Variants in IL26 observed in about 807,000 individuals in gnomAD.
IL26 encodes the protein interleukin 26.
In IL26, 23 loss-of-function variants were observed where a neutral mutation model predicts 21.7. The observed-to-expected ratio is 1.06, with a 90% CI of 0.76 to 1.50. The LOEUF (loss-of-function observed/expected upper bound fraction) is 1.50. Among genes scored for constraint, IL26 ranks in the 40% most tolerant of loss-of-function variants. The pLI is 0.00. For synonymous variants in IL26, 63 were observed against 67.8 expected, an observed-to-expected ratio of 0.93 and a Z score of 0.34; for missense variants, 204 against 196.0, an observed-to-expected ratio of 1.04 and a Z score of -0.24.
chr12:68,221,109 A>T (rs1869033272), intron 3 of IL26, among the ~76,000 whole-genome samples: 1 of 152,192 alleles, frequency 6.6e-6, no homozygotes, highest in Non-Finnish European at 1.5e-5. Flanking sequence ...AGAAACGAAC[A>T]CAACAGTCCT....
intron 3 of IL26, among the ~76,000 whole-genome samples, chr12:68,224,045 C>T (rs893604669): frequency 2.0e-5 from 3 of 151,098 alleles, no homozygotes; most frequent in African/African-American, 2.5e-5. Flanking sequence ...AAACACCCCC[C>T]CCCTCTAATG....
intron 3 of IL26, 72 bp downstream of exon 3, chr12:68,225,077 A>G: frequency 1.4e-6 from 2 of 1,476,656 alleles, no homozygotes; most frequent in Non-Finnish European, 9.1e-7. Flanking sequence ...TTGGTGTGAG[A>G]CAGATTCTTA....
Position 68,225,725 on chromosome 12 carries a change from A to T in IL26, c.32T>A (p.Leu11Ter), listed in dbSNP as rs948511179. 6.2e-6 allele frequency: 10 copies of T among 1,613,946 alleles called. No homozygotes were observed. The highest frequency in any genetic ancestry group is 8.5e-6 in the Non-Finnish European group (10 of 1,179,944). MLVNFILRCG[L>*]LLVTLSLAIA... ...GGCAAGAGACAGAGTGACTAACAGC[A>T]ACCCACACCTCAAAATGAAATTCAC... is the stretch of plus-strand genomic sequence containing the variant. The change falls in exon 1 of 5, where the codon TTG becomes TAG. Residue 11 changes from leucine to a stop codon, truncating the protein, a stop_gained. Transcript: ENST00000229134. LOFTEE classifies it high-confidence loss of function.
Position 68,201,574 on chromosome 12 carries a change from CT to C in IL26, c.*270del, listed in dbSNP as rs749531315. On this transcript the variant is annotated 3_prime_UTR_variant, in exon 5 of 5. Coordinates refer to ENST00000229134, the MANE Select transcript of IL26 (RefSeq NM_018402.2). ...TACACGAGTTAATTCAGGTTACATACTTTAAATTAAGTTGACACAATGTACT... is the reference window on the plus strand; with the variant it reads ...TACACGAGTTAATTCAGGTTACATACTTAAATTAAGTTGACACAATGTACT... 2.6e-4 allele frequency: 77 copies of C among 298,072 alleles called. No homozygotes were observed. Among genetic ancestry groups the C allele is most frequent in the Non-Finnish European group, 3.9e-4 (62 of 160,874 alleles). 18.5% of individuals were successfully genotyped at this position (298,072 alleles called of 1,614,324 possible).
intron 3 of IL26, among the ~76,000 whole-genome samples, chr12:68,218,056 C>T (rs1406103820): frequency 2.6e-5 from 4 of 152,072 alleles, no homozygotes; most frequent in Non-Finnish European, 5.9e-5. Flanking sequence ...GCTTAAACAA[C>T]AAGATCTGAA....
At chr12:68,204,141 ATT>A (rs6144754) in intron 3 of IL26, among the ~76,000 whole-genome samples, 141 of 113,162 alleles carry the variant, frequency 1.2e-3, no homozygotes, top group African/African-American at 4.1e-3. Context: ...GGATTCAAAG[ATT>A]TTTTTTTTTT....
At chr12:68,219,705 A>G (rs1352761178) in intron 3 of IL26, among the ~76,000 whole-genome samples, 1 of 151,914 alleles carries the variant, frequency 6.6e-6, no homozygotes, top group Middle Eastern at 3.2e-3. Flanking sequence ...GAAGAAAATG[A>G]ATAATAATGT....
At chr12:68,209,560 G>A (rs183577788) in intron 3 of IL26, among the ~76,000 whole-genome samples, 57 of 152,252 alleles carry the variant, frequency 3.7e-4, no homozygotes, top group South Asian at 2.5e-3. Context: ...TAGCCCCTAC[G>A]GGTTTTATGC....
rs146200477 is a variant in IL26, at chr12:68,212,622, T to G, written c.364-10539A>C. 2.6e-3 allele frequency among the ~76,000 whole-genome samples: 398 copies of G among 152,226 alleles called. 2 individuals are homozygous for G. Among genetic ancestry groups the G allele is most frequent in the African/African-American group, 8.8e-3 (367 of 41,576 alleles). On this transcript the variant is annotated intron_variant, in intron 3 of 4. Transcript: ENST00000229134. ...AGTTTTTCTTATAGAGATCCTTCAC[T>G]TCCTTGGTTAAATTTATTCCTAGTT...
At chr12:68,202,200 C>G (rs1051897367) in intron 3 of IL26, 117 bp from the exon 4 acceptor site, 6 of 542,888 alleles carry the variant, frequency 1.1e-5, no homozygotes, top group Non-Finnish European at 1.9e-5. Flanking sequence ...TAGATATGCA[C>G]TGGCAAAATA....
chr12:68,206,842 G>A (rs1307503120), intron 3 of IL26, among the ~76,000 whole-genome samples: 1 of 152,116 alleles, frequency 6.6e-6, no homozygotes, highest in Non-Finnish European at 1.5e-5. Context: ...CTGGGAACTT[G>A]TCTGCTGCCT....
chr12:68,204,048 T>A (rs1315856394), intron 3 of IL26, among the ~76,000 whole-genome samples: 1 of 152,168 alleles, frequency 6.6e-6, no homozygotes, highest in African/African-American at 2.4e-5. Flanking sequence ...CATCTGTGAA[T>A]GCTCAGTAAA....
intron 3 of IL26, among the ~76,000 whole-genome samples, chr12:68,205,600 T>C (rs976220484): frequency 6.6e-6 from 1 of 152,132 alleles, no homozygotes; most frequent in African/African-American, 2.4e-5. Context: ...GTGGAGGAGT[T>C]GGTCTTGCCA....
At chr12:68,203,917 G>C (rs1223385348) in intron 3 of IL26, among the ~76,000 whole-genome samples, 3 of 152,140 alleles carry the variant, frequency 2.0e-5, no homozygotes, top group Non-Finnish European at 4.4e-5. Flanking sequence ...AGACCTCACT[G>C]TGATAAGAGC....
chr12:68,210,848 T>A (rs906945340), intron 3 of IL26, among the ~76,000 whole-genome samples: 1 of 152,200 alleles, frequency 6.6e-6, no homozygotes, highest in Admixed American at 6.5e-5. Context: ...GGTTTTTACA[T>A]TTTTCAGTGT....
intron 3 of IL26, among the ~76,000 whole-genome samples, chr12:68,209,405 G>T (rs1381316803): frequency 6.6e-6 from 1 of 152,214 alleles, no homozygotes; most frequent in Admixed American, 6.5e-5. Context: ...TGACAGTTTA[G>T]CATATGCTCT....
At chr12:68,202,127 AT>A (rs763540275) in intron 3 of IL26, 44 bp from the exon 4 acceptor site, 4 of 1,224,680 alleles carry the variant, frequency 3.3e-6, no homozygotes, top group Non-Finnish European at 4.7e-6. Context: ...TTGAAGAGGC[AT>A]TAATGATACT....
Position 68,201,950 on chromosome 12 carries a change from T to C in IL26, c.430-19A>G, listed in dbSNP as rs1435988346. The C allele has an allele frequency of 1.3e-6, 2 of 1,571,812 alleles. No homozygotes were observed. The highest frequency in any genetic ancestry group is 1.9e-5 in the Admixed American group (1 of 53,944). On this transcript the variant is annotated intron_variant, in intron 4 of 4. Transcript: ENST00000229134. ...TTCCAATCTGCAGATAAAGTACAGA[T>C]ATAAGAGAATAAATTTTTCCTATTT...
At chr12:68,212,097 G>T (rs1255289486) in intron 3 of IL26, among the ~76,000 whole-genome samples, 4 of 151,992 alleles carry the variant, frequency 2.6e-5, no homozygotes, top group Non-Finnish European at 4.4e-5. Context: ...TCTGCATATG[G>T]TTATCGAGTT....
Sources: allele counts gnomAD v4.1 joint callset (sites outside exome capture counted in the v4.1 genomes callset), GRCh38; gene constraint gnomAD v4.1.1; transcripts MANE v1.5; gene names NCBI Gene and HGNC (gene_info 2026-07-23, HGNC 2026-07-21).